Variants in SPOCK1 observed in about 807,000 individuals in gnomAD.
SPOCK1 encodes the protein testican-1.
A neutral mutation model predicts 55.3 loss-of-function variants in SPOCK1; 23 were observed. The observed-to-expected ratio is 0.42, with a 90% CI of 0.30 to 0.59. SPOCK1 has a LOEUF of 0.59. Ranked by LOEUF, SPOCK1 falls within the 20% of genes least tolerant of loss-of-function variation. The pLI, the probability that SPOCK1 is intolerant of heterozygous loss-of-function variation, is 0.22. For missense variants in SPOCK1, 499 were observed against 552.5 expected, an observed-to-expected ratio of 0.90 and a Z score of 0.97; for synonymous variants, 226 against 221.0, an observed-to-expected ratio of 1.02 and a Z score of -0.20.
intron 3 of SPOCK1, among the ~76,000 whole-genome samples, chr5:137,146,209 T>C (rs958332656): frequency 1.3e-5 from 2 of 152,188 alleles, no homozygotes; most frequent in African/African-American, 4.8e-5. Context: ...AGTGGTCAAC[T>C]CTTAGAACCC....
chr5:137,194,140 A>G (rs1755248711), intron 3 of SPOCK1, among the ~76,000 whole-genome samples: 1 of 152,188 alleles, frequency 6.6e-6, no homozygotes, highest in African/African-American at 2.4e-5. Flanking sequence ...TGCTTATTTA[A>G]TTCCTGGGCT....
intron 6 of SPOCK1, among the ~76,000 whole-genome samples, chr5:137,067,009 G>A (rs1160012421): frequency 2.7e-5 from 4 of 146,010 alleles, no homozygotes; most frequent in Non-Finnish European, 4.5e-5. Context: ...GAGAGAGAGA[G>A]AAATGCAACA....
intron 2 of SPOCK1, among the ~76,000 whole-genome samples, chr5:137,451,100 AC>A (rs1361224199): frequency 6.6e-6 from 1 of 152,046 alleles, no homozygotes; most frequent in African/African-American, 2.4e-5. Flanking sequence ...GAACAGACCC[AC>A]CCTACCCAGG....
chr5:137,301,452 T>C (rs887740643), intron 2 of SPOCK1, among the ~76,000 whole-genome samples: 1 of 152,256 alleles, frequency 6.6e-6, no homozygotes, highest in Non-Finnish European at 1.5e-5. Flanking sequence ...GTGAACTCCT[T>C]CAGAAGCATG....
At chr5:137,410,148 C>A (rs1198435130) in intron 2 of SPOCK1, among the ~76,000 whole-genome samples, 3 of 152,238 alleles carry the variant, frequency 2.0e-5, no homozygotes, top group Non-Finnish European at 2.9e-5. Flanking sequence ...TCTTTGCAAG[C>A]CTTCCCATTT....
chr5:137,113,909 T>C (rs1293978657), intron 4 of SPOCK1, among the ~76,000 whole-genome samples: 1 of 152,150 alleles, frequency 6.6e-6, no homozygotes, highest in African/African-American at 2.4e-5. Context: ...TCAGGTTTGG[T>C]ATCTAGGGTA....
intron 6 of SPOCK1, among the ~76,000 whole-genome samples, chr5:137,031,842 G>T (rs1751785419): frequency 6.6e-6 from 1 of 151,846 alleles, no homozygotes; most frequent in Admixed American, 6.6e-5. Flanking sequence ...TGGCAAGAAT[G>T]ATTAACAAAT....
rs147191553 is a variant in SPOCK1, at chr5:137,367,339, A to G, written c.187-100284T>C. ...AGTCACACCCACCCCTGCAGTCAAC[A>G]TGCCGCAAGAAGCAGCGCTGTTGAG... is the stretch of plus-strand genomic sequence containing the variant. On this transcript the variant is annotated intron_variant, in intron 2 of 10. Coordinates refer to ENST00000394945, the MANE Select transcript of SPOCK1 (RefSeq NM_004598.4). Among the ~76,000 whole-genome samples the G allele has an allele frequency of 3.9e-5, 6 of 152,312 alleles. No individual in the cohort carries two copies. The East Asian group carries it at 1.2e-3, about 29-fold the overall frequency.
chr5:137,484,956 A>G (rs535376957), intron 2 of SPOCK1, among the ~76,000 whole-genome samples: 2 of 152,322 alleles, frequency 1.3e-5, no homozygotes, highest in East Asian at 3.9e-4. Flanking sequence ...GCATGATAAT[A>G]TGCTGTTTAT....
At chr5:137,226,546 T>TAC (rs1226031779) in intron 3 of SPOCK1, among the ~76,000 whole-genome samples, 1 of 152,178 alleles carries the variant, frequency 6.6e-6, no homozygotes, top group East Asian at 1.9e-4. Context: ...AACCATCCCC[T>TAC]ACCTCCTTGA....
intron 9 of SPOCK1, among the ~76,000 whole-genome samples, chr5:136,981,096 C>A (rs1056695668): frequency 6.6e-6 from 1 of 152,218 alleles, no homozygotes; most frequent in Admixed American, 6.5e-5. Flanking sequence ...ACATGGAAAA[C>A]CCTTAGAAAT....
chr5:137,039,062 TATTATAAGCTGGATCCC>T lies in SPOCK1; in HGVS notation c.589+28636_589+28652del, dbSNP rs1215964241. ...TCGTGGTGGTGGTAATAATGTCACT[TATTATAAGCTGGATCCC>T]ATTCCAAGTGCTTTATTTTGATCAT... On this transcript the variant is annotated intron_variant, in intron 6 of 10. Coordinates refer to ENST00000394945, the MANE Select transcript of SPOCK1 (RefSeq NM_004598.4). Among the ~76,000 whole-genome samples the T allele has an allele frequency of 2.6e-5, 4 of 152,288 alleles. No homozygotes were observed. The East Asian group carries it at 7.7e-4, about 29-fold the overall frequency.
intron 5 of SPOCK1, among the ~76,000 whole-genome samples, chr5:137,086,378 C>A (rs1477816364): frequency 1.3e-5 from 2 of 152,194 alleles, no homozygotes; most frequent in African/African-American, 2.4e-5. Flanking sequence ...GAAGACACCG[C>A]ACCCAGGCCA....
intron 5 of SPOCK1, among the ~76,000 whole-genome samples, chr5:137,097,197 G>A (rs1291055248): frequency 6.6e-6 from 1 of 152,164 alleles, no homozygotes; most frequent in Non-Finnish European, 1.5e-5. Flanking sequence ...CCACTGGGGG[G>A]TAGACTCTGG....
At chr5:137,148,993 GA>G (rs1206624912) in intron 3 of SPOCK1, among the ~76,000 whole-genome samples, 1 of 151,224 alleles carries the variant, frequency 6.6e-6, no homozygotes, top group East Asian at 1.9e-4. Flanking sequence ...GACTTCCTGT[GA>G]AAAAAAAAGA....
chr5:137,066,969 C>CACACAT (rs1358401764), intron 6 of SPOCK1, among the ~76,000 whole-genome samples: 2 of 138,668 alleles, frequency 1.4e-5, no homozygotes, highest in Non-Finnish European at 3.2e-5. Flanking sequence ...AGCATACACA[C>CACACAT]ACACACACAC....
At chr5:137,421,542 G>C (rs1320480808) in intron 2 of SPOCK1, among the ~76,000 whole-genome samples, 3 of 152,058 alleles carry the variant, frequency 2.0e-5, no homozygotes, top group East Asian at 1.9e-4. Flanking sequence ...ATCCCTTTAT[G>C]ATTATGTAAT....
intron 2 of SPOCK1, among the ~76,000 whole-genome samples, chr5:137,417,850 A>T (rs538133567): frequency 6.6e-5 from 10 of 152,250 alleles, no homozygotes; most frequent in African/African-American, 2.4e-4. Context: ...CATGTGCACA[A>T]CGTGCAGGTT....
intron 2 of SPOCK1, among the ~76,000 whole-genome samples, chr5:137,486,361 A>G (rs983242315): frequency 6.6e-6 from 1 of 152,238 alleles, no homozygotes; most frequent in Non-Finnish European, 1.5e-5. Context: ...CCAGCTCGCC[A>G]GAACTGCTCT....
Sources: allele counts gnomAD v4.1 joint callset (sites outside exome capture counted in the v4.1 genomes callset), GRCh38; gene constraint gnomAD v4.1.1; transcripts MANE v1.5; gene names NCBI Gene and HGNC (gene_info 2026-07-23, HGNC 2026-07-21).